CNTNAP2: variants seen among roughly 807,000 people sequenced by gnomAD.
The protein encoded by CNTNAP2 is contactin associated protein 2.
A neutral mutation model predicts 155.2 loss-of-function variants in CNTNAP2; 98 were observed. That is an observed-to-expected ratio of 0.63 (90% CI 0.54 to 0.75). The LOEUF (loss-of-function observed/expected upper bound fraction) is 0.75. Ranked by LOEUF, CNTNAP2 falls within the 30% of genes least tolerant of loss-of-function variation. The pLI, the probability that CNTNAP2 is intolerant of heterozygous loss-of-function variation, is 0.00. For synonymous variants in CNTNAP2, 651 were observed against 631.2 expected (o/e 1.03, Z -0.47); for missense variants, 1,727 against 1,688.1 (o/e 1.02, Z -0.40).
intron 16 of CNTNAP2, among the ~76,000 whole-genome samples, chr7:148,144,941 C>A (rs1046571269): frequency 1.3e-5 from 2 of 152,164 alleles, no homozygotes; most frequent in African/African-American, 2.4e-5. Flanking sequence ...CAGCCACAAA[C>A]TGAACTTAGA....
At chr7:146,139,990 G>A (rs889050036) in intron 1 of CNTNAP2, among the ~76,000 whole-genome samples, 4 of 152,210 alleles carry the variant, frequency 2.6e-5, no homozygotes, top group East Asian at 1.9e-4. Context: ...TAGCTCCAGC[G>A]TCCAGTCAAA....
intron 8 of CNTNAP2, among the ~76,000 whole-genome samples, chr7:147,212,282 A>C (rs754281230): frequency 1.3e-4 from 20 of 152,170 alleles, no homozygotes; most frequent in Admixed American, 1.0e-3. Flanking sequence ...ACCAAAAGAT[A>C]CATGCACTCA....
intron 8 of CNTNAP2, among the ~76,000 whole-genome samples, chr7:147,265,094 G>C (rs1157080517): frequency 1.3e-5 from 2 of 152,176 alleles, no homozygotes; most frequent in Non-Finnish European, 2.9e-5. Flanking sequence ...AGGACTCCCA[G>C]GTAAGGGAGG....
intron 11 of CNTNAP2, among the ~76,000 whole-genome samples, chr7:147,517,437 G>A (rs1036919819): frequency 3.3e-5 from 5 of 152,136 alleles, no homozygotes; most frequent in African/African-American, 7.2e-5. Flanking sequence ...ACATCCGAAC[G>A]TCAACTTCAT....
chr7:148,145,844 G>A (rs1805167042), intron 16 of CNTNAP2, among the ~76,000 whole-genome samples: 1 of 152,152 alleles, frequency 6.6e-6, no homozygotes, highest in Admixed American at 6.5e-5. Context: ...GGAGGCAGGG[G>A]CTTCTAATTT....
intron 4 of CNTNAP2, among the ~76,000 whole-genome samples, chr7:147,090,952 G>T (rs1019333676): frequency 6.6e-6 from 1 of 151,934 alleles, no homozygotes; most frequent in African/African-American, 2.4e-5. Flanking sequence ...TTCCATTTAG[G>T]ATCTAACTTA....
intron 18 of CNTNAP2, among the ~76,000 whole-genome samples, chr7:148,214,253 C>T (rs150876163): frequency 2.4e-4 from 37 of 152,312 alleles, no homozygotes; most frequent in Non-Finnish European, 4.9e-4. Context: ...CAGCATCGTG[C>T]CCAGGGTGCA....
chr7:146,548,012 A>G, intron 1 of CNTNAP2, among the ~76,000 whole-genome samples: 1 of 151,768 alleles, frequency 6.6e-6, no homozygotes, highest in Non-Finnish European at 1.5e-5. Flanking sequence ...GGTTTGTTAC[A>G]CAGGTAAACT....
chr7:147,322,010 C>T (rs971025134), intron 9 of CNTNAP2, among the ~76,000 whole-genome samples: 1 of 152,110 alleles, frequency 6.6e-6, no homozygotes, highest in Non-Finnish European at 1.5e-5. Context: ...TGCAGTGTTC[C>T]ATGGAGTCAG....
chr7:146,516,408 T>C (rs1797542298), intron 1 of CNTNAP2, among the ~76,000 whole-genome samples: 1 of 152,014 alleles, frequency 6.6e-6, no homozygotes, highest in South Asian at 2.1e-4. Flanking sequence ...TTTTGTTAAA[T>C]GAAAAAGGTA....
At chr7:147,339,228 T>A (rs1161001787) in intron 9 of CNTNAP2, among the ~76,000 whole-genome samples, 1 of 152,108 alleles carries the variant, frequency 6.6e-6, no homozygotes, top group Admixed American at 6.6e-5. Context: ...TAATCCCCTA[T>A]ACATCAGTGT....
At chr7:147,646,231 C>T (rs1795362215) in intron 13 of CNTNAP2, among the ~76,000 whole-genome samples, 1 of 152,090 alleles carries the variant, frequency 6.6e-6, no homozygotes, top group Non-Finnish European at 1.5e-5. Flanking sequence ...AAGGGTGACT[C>T]AAGTTTCTGA....
intron 1 of CNTNAP2, among the ~76,000 whole-genome samples, chr7:146,728,508 A>G (rs1230777544): frequency 6.6e-6 from 1 of 151,602 alleles, no homozygotes. Context: ...AGGTGTGTCA[A>G]TTGGCTTGCT....
At chr7:147,960,148 T>C (rs982387140) in intron 14 of CNTNAP2, among the ~76,000 whole-genome samples, 4 of 152,050 alleles carry the variant, frequency 2.6e-5, no homozygotes, top group Non-Finnish European at 5.9e-5. Context: ...GTGGTTATAG[T>C]TTAGGCTCTT....
chr7:146,820,307 T>C (rs935239343), intron 2 of CNTNAP2, among the ~76,000 whole-genome samples: 10 of 152,168 alleles, frequency 6.6e-5, no homozygotes, highest in African/African-American at 1.4e-4. Flanking sequence ...AAAGTTAATA[T>C]TATGTTTTGA....
chr7:148,233,368 A>G (rs188568790), intron 20 of CNTNAP2, among the ~76,000 whole-genome samples: 4 of 150,674 alleles, frequency 2.7e-5, no homozygotes, highest in Admixed American at 6.6e-5. Context: ...TAGAGAGTTA[A>G]TGGAAGTCAC....
chr7:146,208,808 CAGGAATTTCAAACTTCAGG>C (rs562910123), intron 1 of CNTNAP2: 247 of 152,158 alleles, frequency 1.6e-3, no homozygotes, highest in African/African-American at 5.7e-3. Context: ...TCTTAATATA[CAGGAATTTCAAACTTCAGG>C]TTTGTTATTA....
intron 1 of CNTNAP2, among the ~76,000 whole-genome samples, chr7:146,580,994 C>A (rs929931470): frequency 3.9e-5 from 6 of 152,038 alleles, no homozygotes; most frequent in Admixed American, 2.0e-4. Context: ...CTGATAGAAC[C>A]ACTTGTCAAA....
intron 3 of CNTNAP2, among the ~76,000 whole-genome samples, chr7:146,972,378 C>T (rs1797819165): frequency 1.3e-5 from 2 of 151,984 alleles, no homozygotes; most frequent in Admixed American, 6.6e-5. Context: ...GAAATATTTA[C>T]AAAATGCACA....
Sources: allele counts gnomAD v4.1 joint callset (sites outside exome capture counted in the v4.1 genomes callset), GRCh38; gene constraint gnomAD v4.1.1; transcripts MANE v1.5; gene names NCBI Gene and HGNC (gene_info 2026-07-23, HGNC 2026-07-21).